The following SLC24A2 variants were observed in gnomAD, a reference collection of about 807,000 sequenced individuals.
The protein encoded by SLC24A2 is solute carrier family 24 member 2, also known as sodium/potassium/calcium exchanger 2.
Under a neutral mutation model 62.0 loss-of-function variants are expected in SLC24A2, and 36 were observed. That is an observed-to-expected ratio of 0.58 (90% confidence interval 0.44 to 0.77). The LOEUF is 0.77. Ranked by LOEUF, SLC24A2 falls within the 30% of genes least tolerant of loss-of-function variation. SLC24A2 has a pLI of 0.00. For synonymous variants in SLC24A2, 358 were observed against 294.0 expected, an observed-to-expected ratio of 1.22 and a Z score of -2.23; for missense variants, 846 against 817.9, an observed-to-expected ratio of 1.03 and a Z score of -0.42.
At chr9:20,226,020 A>C in the SLC24A2 span, among the ~76,000 whole-genome samples, 2 of 152,016 alleles carry the variant, frequency 1.3e-5, no homozygotes, top group South Asian at 2.1e-4. Flanking sequence ...CAGTTTGTCA[A>C]TGAAAACCCT....
At chr9:20,037,729 A>C in the SLC24A2 span, among the ~76,000 whole-genome samples, 2 of 152,174 alleles carry the variant, frequency 1.3e-5, no homozygotes. Flanking sequence ...ATATTTGGTA[A>C]TGTCTGGAGA....
In SLC24A2 at chr9:19,786,554, T is replaced by C. The variant is rs1265406192; in HGVS notation, c.313A>G (p.Lys105Glu). 1 of 1,614,058 alleles carries C rather than the reference T, an allele frequency of 6.2e-7. No individual in the cohort carries two copies. The highest frequency in any genetic ancestry group is 8.5e-7 in the Non-Finnish European group (1 of 1,180,034). Residue 105 changes from lysine (K) to glutamate (E), a missense_variant, in exon 2 of 11, where the codon AAG (lysine) becomes GAG (glutamate). By Grantham distance (56) the Lys-to-Glu change is moderately conservative (BLOSUM62 1). Coordinates refer to ENST00000341998, the MANE Select transcript of SLC24A2 (RefSeq NM_020344.4). This position sits in a 1 kb window ranked among gnomAD's most constrained non-coding sequence, Gnocchi z 5.0. ...LDYTPQPPLS[K>E]EGESENSTDH... is the part of the protein sequence containing the mutation. ...GTACTATTCTCAGACTCGCCTTCCT[T>C]AGAAAGAGGTGGCTGTGGAGTATAA...
the SLC24A2 span, among the ~76,000 whole-genome samples, chr9:19,978,135 A>C: frequency 6.6e-6 from 1 of 152,214 alleles, no homozygotes; most frequent in African/African-American, 2.4e-5. Flanking sequence ...TGTCAACTAA[A>C]AGTCCAACGT....
the SLC24A2 span, among the ~76,000 whole-genome samples, chr9:19,851,020 TATAC>T: frequency 5.6e-5 from 4 of 71,194 alleles, no homozygotes; most frequent in Admixed American, 1.6e-4. Context: ...TATATATATA[TATAC>T]ATATTTTTTT....
chr9:20,063,175 A>G, the SLC24A2 span, among the ~76,000 whole-genome samples: 15 of 149,050 alleles, frequency 1.0e-4, no homozygotes, highest in East Asian at 3.0e-3. Context: ...TCATGCTGCT[A>G]TAAAGACACA....
At chr9:19,824,987 A>G in the SLC24A2 span, among the ~76,000 whole-genome samples, 10 of 152,162 alleles carry the variant, frequency 6.6e-5, no homozygotes, top group African/African-American at 2.2e-4. Context: ...ACATGGACAC[A>G]GGGAGGGGAA....
At chr9:20,274,558 A>G in the SLC24A2 span, among the ~76,000 whole-genome samples, 1 of 152,102 alleles carries the variant, frequency 6.6e-6, no homozygotes, top group Non-Finnish European at 1.5e-5. Context: ...CTGCGATACT[A>G]CACTGTGGAG....
intron 8 of SLC24A2, among the ~76,000 whole-genome samples, chr9:19,544,655 T>C (rs1319035206): frequency 6.6e-6 from 1 of 152,196 alleles, no homozygotes; most frequent in Non-Finnish European, 1.5e-5. Flanking sequence ...CATTTGCTTG[T>C]CTGTAAAGGA....
At chr9:20,152,204 A>T in the SLC24A2 span, among the ~76,000 whole-genome samples, 1 of 151,952 alleles carries the variant, frequency 6.6e-6, no homozygotes, top group Non-Finnish European at 1.5e-5. Context: ...CAAATATTAT[A>T]TGAAGAGGGA....
the SLC24A2 span, among the ~76,000 whole-genome samples, chr9:20,166,075 A>T: frequency 6.6e-6 from 1 of 152,110 alleles, no homozygotes; most frequent in Non-Finnish European, 1.5e-5. Flanking sequence ...TTCAAATGAC[A>T]TAAATATAAT....
At chr9:19,636,870 C>A (rs1403761086) in intron 2 of SLC24A2, among the ~76,000 whole-genome samples, 1 of 152,046 alleles carries the variant, frequency 6.6e-6, no homozygotes, top group African/African-American at 2.4e-5. Flanking sequence ...TAACTTCCAT[C>A]GGAGTCTTAA....
chr9:20,010,111 C>G, the SLC24A2 span, among the ~76,000 whole-genome samples: 1 of 152,172 alleles, frequency 6.6e-6, no homozygotes, highest in African/African-American at 2.4e-5. Context: ...AATCACAGAG[C>G]ACAATCAGCA....
the SLC24A2 span, among the ~76,000 whole-genome samples, chr9:20,114,306 C>T: frequency 6.6e-6 from 1 of 152,148 alleles, no homozygotes; most frequent in African/African-American, 2.4e-5. Context: ...TATGTTCCCT[C>T]TACCATGTGG....
At chr9:19,636,477 G>C (rs1345285562) in intron 2 of SLC24A2, among the ~76,000 whole-genome samples, 1 of 148,460 alleles carries the variant, frequency 6.7e-6, no homozygotes, top group East Asian at 2.0e-4. Context: ...TGTTACCCAG[G>C]CTGCAGTGCA....
At chr9:19,713,096 A>T (rs1820760287) in intron 2 of SLC24A2, among the ~76,000 whole-genome samples, 1 of 152,068 alleles carries the variant, frequency 6.6e-6, no homozygotes, top group South Asian at 2.1e-4. Context: ...TCTTCCCAGT[A>T]TTTATCACTA....
the SLC24A2 span, among the ~76,000 whole-genome samples, chr9:20,155,023 A>G: frequency 9.2e-5 from 14 of 151,568 alleles, no homozygotes; most frequent in Non-Finnish European, 1.6e-4. Context: ...GATATTCCCA[A>G]TATCAATGGT....
At chr9:20,228,476 T>A in the SLC24A2 span, among the ~76,000 whole-genome samples, 3 of 151,362 alleles carry the variant, frequency 2.0e-5, no homozygotes, top group Admixed American at 1.3e-4. Context: ...AATTGTCTTT[T>A]AAAAAAAAAT....
the SLC24A2 span, among the ~76,000 whole-genome samples, chr9:19,819,396 G>C: frequency 6.6e-6 from 1 of 152,132 alleles, no homozygotes. Context: ...GGAACAGTCA[G>C]TAGAGTAAAC....
At chr9:20,032,584 C>A in the SLC24A2 span, among the ~76,000 whole-genome samples, 6 of 152,092 alleles carry the variant, frequency 3.9e-5, no homozygotes, top group African/African-American at 1.4e-4. Flanking sequence ...CAGAGAAGTA[C>A]GGTAACTATG....
Sources: gnomAD v4.1 joint callset for allele counts (sites outside exome capture counted in the v4.1 genomes callset) on GRCh38, gnomAD v4.1.1 for gene constraint, Gnocchi (gnomAD v3.1) non-coding constraint, MANE v1.5 for transcripts, NCBI Gene and HGNC (gene_info 2026-07-23, HGNC 2026-07-21) for gene names.